FUBP3: variants seen among roughly 807,000 people sequenced by gnomAD.
The protein encoded by FUBP3 is far upstream element-binding protein 3.
FUBP3 carries 28 observed loss-of-function variants against 85.6 expected under a neutral mutation model. The ratio of observed to expected loss-of-function variants is 0.33; its 90% CI spans 0.24 to 0.45. The LOEUF (loss-of-function observed/expected upper bound fraction) is 0.45, where lower values mean the gene tolerates loss of function less well. Ranked by LOEUF, FUBP3 falls within the 20% of genes least tolerant of loss-of-function variation. The pLI, the probability that FUBP3 is intolerant of heterozygous loss-of-function variation, is 1.00. For synonymous variants in FUBP3, 271 were observed against 271.4 expected (o/e 1.00, Z 0.01); for missense variants, 583 against 755.1 (o/e 0.77, Z 2.67).
chr9:130,618,562 G>A (rs1397197851), intron 8 of FUBP3, among the ~76,000 whole-genome samples: 1 of 152,256 alleles, frequency 6.6e-6, no homozygotes, highest in Non-Finnish European at 1.5e-5. Flanking sequence ...ACTCTTGCTA[G>A]TAGCAGGAAT....
At chr9:130,594,869 C>CTT (rs10710760) in intron 1 of FUBP3, among the ~76,000 whole-genome samples, 8 of 129,310 alleles carry the variant, frequency 6.2e-5, no homozygotes, top group Non-Finnish European at 9.8e-5. Context: ...TGTTGGCTTG[C>CTT]TTTTTTTTTT....
intron 13 of FUBP3, chr9:130,631,270 T>C: frequency 7.5e-7 from 1 of 1,335,698 alleles, no homozygotes; most frequent in African/African-American, 1.5e-5. Flanking sequence ...TGGGCCAGCC[T>C]AAGTTGACGG....
intron 1 of FUBP3, among the ~76,000 whole-genome samples, chr9:130,584,288 G>A (rs1830251186): frequency 1.3e-5 from 2 of 152,102 alleles, no homozygotes; most frequent in South Asian, 4.1e-4. Context: ...AGCACTTTGG[G>A]AGGCCGAGGT....
rs749337025 is a variant in FUBP3 at position 130,631,900 on chromosome 9, T to C, written c.1353-42T>C. 3 of 1,418,558 alleles carry C rather than the reference T, an allele frequency of 2.1e-6. No homozygotes were observed. In the Admixed American group the frequency reaches 5.0e-5, roughly 24 times the overall value. The allele number at this position is 1,418,558 out of a possible 1,614,324, so 87.9% of individuals were successfully genotyped here. A position where few individuals can be genotyped will look rare whatever the true frequency, so the allele number is the denominator to read the frequency against. On this transcript the variant is annotated intron_variant, in intron 14 of 18. Transcript: ENST00000319725. ...CTGCGGGGAGGGGACGAGCCCTCTG[T>C]TGTGAGGCGCTCAGTCTGTTGTTTC...
At chr9:130,630,527 A>G in intron 12 of FUBP3, 101 bp from the exon 13 acceptor site, 1 of 945,362 alleles carries the variant, frequency 1.1e-6, no homozygotes, top group Non-Finnish European at 1.5e-6. Context: ...GCCGACGTGC[A>G]CAAAATCCCC....
chr9:130,624,980 G>C (rs866053233), intron 11 of FUBP3, among the ~76,000 whole-genome samples: 26 of 152,180 alleles, frequency 1.7e-4, no homozygotes, highest in African/African-American at 5.5e-4. Flanking sequence ...AGCACTTTGG[G>C]ATGCCAAGGC....
rs1322748092 is a variant in FUBP3, at chr9:130,637,331, T to G, written c.*309T>G. 5.8e-6 allele frequency: 2 copies of G among 344,414 alleles called. No homozygotes were observed. The highest frequency in any genetic ancestry group is 1.1e-5 in the Non-Finnish European group (2 of 185,460). 21.3% of individuals were successfully genotyped at this position (344,414 alleles called of 1,614,324 possible). ...CTGTGACATTTCAACATGATGGTTT[T>G]GGTTTGGTTTGGTTTTGTGTCCTTT... is the stretch of plus-strand genomic sequence containing the variant. On this transcript the variant is annotated 3_prime_UTR_variant, in exon 19 of 19. Coordinates refer to ENST00000319725, the MANE Select transcript of FUBP3 (RefSeq NM_003934.2).
chr9:130,621,640 C>T (rs527538465), intron 9 of FUBP3, among the ~76,000 whole-genome samples: 1 of 152,204 alleles, frequency 6.6e-6, no homozygotes, highest in Admixed American at 6.5e-5. Flanking sequence ...GGCATGGTGG[C>T]TCACGCCTGT....
At chr9:130,589,705 A>ATATATATATATATATTTTTT (rs1414691549) in intron 1 of FUBP3, among the ~76,000 whole-genome samples, 2 of 73,854 alleles carry the variant, frequency 2.7e-5, no homozygotes, top group African/African-American at 7.7e-5. Context: ...ATATATATAT[A>ATATATATATATATATTTTTT]TTTTTTTTTT....
At chr9:130,597,642 A>G (rs914828546) in intron 2 of FUBP3, among the ~76,000 whole-genome samples, 3 of 152,166 alleles carry the variant, frequency 2.0e-5, no homozygotes, top group Non-Finnish European at 4.4e-5. Context: ...TACCCCTACC[A>G]GAAGACAACT....
chr9:130,597,788 T>C (rs1341795071), intron 2 of FUBP3, among the ~76,000 whole-genome samples: 1 of 152,210 alleles, frequency 6.6e-6, no homozygotes, highest in Non-Finnish European at 1.5e-5. Flanking sequence ...GAAGACACGA[T>C]TAATTTTATC....
intron 2 of FUBP3, among the ~76,000 whole-genome samples, chr9:130,597,092 A>C (rs997611464): frequency 7.6e-6 from 1 of 132,268 alleles, no homozygotes; most frequent in South Asian, 2.2e-4. Context: ...TCTACTCTCT[A>C]TGTCCATGAG....
intron 1 of FUBP3, among the ~76,000 whole-genome samples, chr9:130,583,641 T>C (rs1830222003): frequency 6.6e-6 from 1 of 152,184 alleles, no homozygotes; most frequent in Admixed American, 6.5e-5. Flanking sequence ...AGGAAACTAG[T>C]GTCTGCAGGA....
At chr9:130,614,210 C>T in intron 5 of FUBP3, 78 bp from the exon 6 acceptor site, 1 of 885,334 alleles carries the variant, frequency 1.1e-6, no homozygotes, top group Non-Finnish European at 1.9e-6. Context: ...GGAAGCAGCC[C>T]TAGAGAGCCT....
At chr9:130,603,282 G>T (rs560457591) in intron 2 of FUBP3, among the ~76,000 whole-genome samples, 2 of 148,864 alleles carry the variant, frequency 1.3e-5, no homozygotes, top group East Asian at 4.0e-4. Context: ...GGGAGGCAGA[G>T]GTTGCAGTGA....
intron 9 of FUBP3, 126 bp from the exon 10 acceptor site, chr9:130,622,582 G>C (rs1414128415): frequency 2.1e-6 from 1 of 477,524 alleles, no homozygotes; most frequent in Non-Finnish European, 3.8e-6. Flanking sequence ...AGTGAGCTGA[G>C]ATTGTGCCAC....
chr9:130,607,654 G>A (rs1388153884), intron 2 of FUBP3, among the ~76,000 whole-genome samples: 2 of 152,170 alleles, frequency 1.3e-5, no homozygotes, highest in Non-Finnish European at 2.9e-5. Flanking sequence ...GGACATAGAA[G>A]TTGGCCATAT....
chr9:130,610,610 G>GTGGTCC (rs1489296474), intron 3 of FUBP3, among the ~76,000 whole-genome samples: 4 of 152,230 alleles, frequency 2.6e-5, no homozygotes, highest in Non-Finnish European at 5.9e-5. Context: ...TGGGGTATGT[G>GTGGTCC]TGGTCATAGT....
At chr9:130,626,984 T>C (rs778669290) in intron 12 of FUBP3, among the ~76,000 whole-genome samples, 13 of 152,262 alleles carry the variant, frequency 8.5e-5, no homozygotes, top group Non-Finnish European at 1.6e-4. Context: ...TTATCCTTTC[T>C]GCATATTTAC....
Sources: allele counts gnomAD v4.1 joint callset (sites outside exome capture counted in the v4.1 genomes callset), GRCh38; gene constraint gnomAD v4.1.1; transcripts MANE v1.5; gene names NCBI Gene and HGNC (gene_info 2026-07-23, HGNC 2026-07-21).